DNER: variants seen among roughly 807,000 people sequenced by gnomAD.
DNER encodes the protein delta and Notch-like epidermal growth factor-related receptor.
DNER carries 33 observed loss-of-function variants against 78.2 expected under a neutral mutation model. The observed-to-expected ratio is 0.42, with a 90% CI of 0.32 to 0.56. DNER has a LOEUF of 0.56. DNER is among the 20% of genes least tolerant of loss of function. The pLI is 0.11. For missense variants in DNER, 918 were observed against 975.3 expected (o/e 0.94, Z 0.78); for synonymous variants, 417 against 384.8 (o/e 1.08, Z -0.98).
chr2:229,598,373 G>A (rs1447547333), intron 1 of DNER, among the ~76,000 whole-genome samples: 3 of 152,208 alleles, frequency 2.0e-5, no homozygotes, highest in African/African-American at 7.2e-5. Context: ...CTATAATAGG[G>A]GTCAGGAAGA....
At chr2:229,631,250 A>T (rs1329896885) in intron 1 of DNER, among the ~76,000 whole-genome samples, 2 of 152,178 alleles carry the variant, frequency 1.3e-5, no homozygotes, top group Non-Finnish European at 2.9e-5. Flanking sequence ...ATTTAAAGAC[A>T]TTGGCTGGCC....
Position 229,682,583 on chromosome 2 carries a change from C to T in DNER, c.276+31565G>A, listed in dbSNP as rs199972054. Among the ~76,000 whole-genome samples the T allele has an allele frequency of 2.6e-5, 4 of 152,332 alleles. No homozygotes were observed. The East Asian group carries it at 7.7e-4, about 29-fold the overall frequency. On this transcript the variant is annotated intron_variant, in intron 1 of 12. Transcript: ENST00000341772. ...AGATAAAGGGCCAGGTGCAGTGGCTCATGTCTGTAATCCCAGCACTTTGGG... is the reference window on the plus strand; with the variant it reads ...AGATAAAGGGCCAGGTGCAGTGGCTTATGTCTGTAATCCCAGCACTTTGGG...
At chr2:229,708,771 T>C (rs1302749123) in intron 1 of DNER, among the ~76,000 whole-genome samples, 1 of 152,156 alleles carries the variant, frequency 6.6e-6, no homozygotes, top group African/African-American at 2.4e-5. Context: ...TTTTGTGAGG[T>C]GGCCAAGCTG....
intron 1 of DNER, among the ~76,000 whole-genome samples, chr2:229,684,159 AGAGAGAGAGAGTGTGTGTGT>A (rs1699440498): frequency 7.3e-6 from 1 of 136,086 alleles, no homozygotes; most frequent in East Asian, 2.1e-4. Flanking sequence ...AGAGAGAGAG[AGAGAGAGAGAGTGTGTGTGT>A]GTGTGTGTGT....
intron 10 of DNER, among the ~76,000 whole-genome samples, chr2:229,404,190 G>C (rs998206919): frequency 9.2e-5 from 14 of 151,772 alleles, no homozygotes; most frequent in African/African-American, 3.1e-4. Flanking sequence ...GAGGTAAGAG[G>C]GAAAAAGAGG....
At chr2:229,616,771 C>T (rs960305527) in intron 1 of DNER, among the ~76,000 whole-genome samples, 3 of 152,180 alleles carry the variant, frequency 2.0e-5, no homozygotes, top group Non-Finnish European at 4.4e-5. Context: ...TGGGGTGATG[C>T]CAGGACCATC....
intron 1 of DNER, among the ~76,000 whole-genome samples, chr2:229,667,171 C>A (rs13386895): frequency 6.6e-6 from 1 of 152,032 alleles, no homozygotes; most frequent in South Asian, 2.1e-4. Flanking sequence ...TCCCATATGG[C>A]CTGGATAATG....
intron 1 of DNER, among the ~76,000 whole-genome samples, chr2:229,650,680 C>A (rs959308013): frequency 6.6e-6 from 1 of 152,148 alleles, no homozygotes; most frequent in African/African-American, 2.4e-5. Context: ...GTAGTATTTT[C>A]ATTATCTGGT....
Position 229,478,206 on chromosome 2 carries a change from G to A in DNER, c.1148-953C>T, listed in dbSNP as rs142733025. ...TTCCTATCAAAAATTGTGAGTCATAGATATTTTCCACACAATTATGATCAT... is the reference window on the plus strand; with the variant it reads ...TTCCTATCAAAAATTGTGAGTCATAAATATTTTCCACACAATTATGATCAT... On this transcript the variant is annotated intron_variant, in intron 6 of 12. Coordinates refer to ENST00000341772, the MANE Select transcript of DNER (RefSeq NM_139072.4). Among the ~76,000 whole-genome samples the A allele has an allele frequency of 8.6e-3, 1,303 of 151,794 alleles. 15 individuals are homozygous for A. Among genetic ancestry groups the A allele is most frequent in the African/African-American group, 0.03 (1,222 of 41,306 alleles).
At chr2:229,363,953 C>G (rs1223101561) in intron 12 of DNER, among the ~76,000 whole-genome samples, 1 of 107,560 alleles carries the variant, frequency 9.3e-6, no homozygotes, top group Admixed American at 9.9e-5. Flanking sequence ...AGAAAAGGTT[C>G]TTGGGCACCA....
At chr2:229,570,395 G>A (rs1265652349) in intron 4 of DNER, among the ~76,000 whole-genome samples, 1 of 152,180 alleles carries the variant, frequency 6.6e-6, no homozygotes, top group South Asian at 2.1e-4. Flanking sequence ...CACTTTGGGA[G>A]GTCAAGGCTG....
At chr2:229,565,259 A>C (rs1283370783) in intron 4 of DNER, among the ~76,000 whole-genome samples, 1 of 152,198 alleles carries the variant, frequency 6.6e-6, no homozygotes, top group African/African-American at 2.4e-5. Context: ...GAGTCCTCTA[A>C]GCCCTTCTCA....
intron 1 of DNER, among the ~76,000 whole-genome samples, chr2:229,613,642 G>A (rs77474560): frequency 0.059 from 8,914 of 150,976 alleles, 810 homozygotes; most frequent in African/African-American, 0.2. Context: ...CAAAAAAAAA[G>A]AAAATTAAGA....
intron 4 of DNER, among the ~76,000 whole-genome samples, chr2:229,563,164 C>T (rs1696997094): frequency 9.4e-6 from 1 of 106,702 alleles, no homozygotes; most frequent in Non-Finnish European, 1.9e-5. Flanking sequence ...CACCCCATCA[C>T]CATCATCATC....
At chr2:229,620,114 G>C (rs139442067) in intron 1 of DNER, among the ~76,000 whole-genome samples, 3 of 152,176 alleles carry the variant, frequency 2.0e-5, no homozygotes, top group Non-Finnish European at 4.4e-5. Flanking sequence ...GAACCAAAGC[G>C]ACTCGGATGG....
chr2:229,441,579 G>A (rs1694235664), intron 8 of DNER, among the ~76,000 whole-genome samples: 1 of 152,182 alleles, frequency 6.6e-6, no homozygotes, highest in Non-Finnish European at 1.5e-5. Context: ...TAAAGAATGG[G>A]AAGGCTAGAG....
intron 6 of DNER, among the ~76,000 whole-genome samples, chr2:229,504,449 A>T (rs1695693703): frequency 6.6e-6 from 1 of 151,516 alleles, no homozygotes; most frequent in Admixed American, 6.6e-5. Context: ...CAAACTCCTG[A>T]CCTCAGGTGA....
intron 1 of DNER, among the ~76,000 whole-genome samples, chr2:229,616,047 C>T (rs10933306): frequency 0.77 from 117,848 of 152,220 alleles, 46,040 homozygotes; most frequent in Admixed American, 0.84. Context: ...AAGTTGTTAC[C>T]CAAATAGATA....
chr2:229,643,898 C>A (rs981436175), intron 1 of DNER, among the ~76,000 whole-genome samples: 11 of 152,138 alleles, frequency 7.2e-5, no homozygotes, highest in South Asian at 4.1e-4. Context: ...TTCTTACCTT[C>A]CCAGATGATG....
Sources: allele counts gnomAD v4.1 joint callset (sites outside exome capture counted in the v4.1 genomes callset), GRCh38; gene constraint gnomAD v4.1.1; transcripts MANE v1.5; gene names NCBI Gene and HGNC (gene_info 2026-07-23, HGNC 2026-07-21).